The following EGFLAM variants were observed in gnomAD, a reference collection of about 807,000 sequenced individuals.
EGFLAM encodes the protein EGF like, fibronectin type III and laminin G domains, also known as pikachurin.
A neutral mutation model predicts 113.1 loss-of-function variants in EGFLAM; 79 were observed. The ratio of observed to expected loss-of-function variants is 0.70; its 90% CI spans 0.58 to 0.84. The LOEUF is 0.84. EGFLAM is among the 40% of genes least tolerant of loss of function. The probability of loss-of-function intolerance (pLI) is 0.00; values close to 1 mark genes in which losing one functional copy is unlikely to be tolerated. For synonymous variants in EGFLAM, 504 were observed against 487.6 expected (o/e 1.03, Z -0.44); for missense variants, 1,265 against 1,291.6 (o/e 0.98, Z 0.32).
At chr5:38,426,934 A>G in intron 13 of EGFLAM, 75 bp from the exon 14 acceptor site, 1 of 1,569,316 alleles carries the variant, frequency 6.4e-7, no homozygotes, top group Non-Finnish European at 8.6e-7. Context: ...CAGGAGGGAA[A>G]GAACACAGCT....
intron 6 of EGFLAM, among the ~76,000 whole-genome samples, chr5:38,392,902 C>A (rs1398448170): frequency 6.6e-6 from 1 of 152,068 alleles, no homozygotes; most frequent in African/African-American, 2.4e-5. Context: ...TCTCATTATT[C>A]AATTCCTGGC....
chr5:38,268,304 G>A (rs1757682328), intron 1 of EGFLAM, among the ~76,000 whole-genome samples: 1 of 152,126 alleles, frequency 6.6e-6, no homozygotes, highest in Admixed American at 6.5e-5. Flanking sequence ...TCCAAAGGGT[G>A]ACTTGAAGAC....
chr5:38,465,236 C>G lies in EGFLAM; in HGVS notation c.*1250C>G, dbSNP rs2112308668. Among the ~76,000 whole-genome samples, 1 of 152,240 alleles carries G rather than the reference C, an allele frequency of 6.6e-6. No individual in the cohort carries two copies. Among genetic ancestry groups the G allele is most frequent in the South Asian group, 2.1e-4 (1 of 4,810 alleles). On this transcript the variant is annotated 3_prime_UTR_variant, in exon 22 of 22. Transcript: ENST00000322350. ...CCTTTACTATGCAAGCACATGACCC[C>G]AGAGACAGCTGGTTCACTGGCAGAT...
At chr5:38,419,480 T>G (rs1741759668) in intron 12 of EGFLAM, among the ~76,000 whole-genome samples, 2 of 152,198 alleles carry the variant, frequency 1.3e-5, no homozygotes, top group South Asian at 2.1e-4. Flanking sequence ...CAGCATAGTC[T>G]CACTGCCTAG....
rs1172920385 is a variant in EGFLAM at position 38,258,620 on chromosome 5, C to A, written c.-135C>A. On this transcript the variant is annotated 5_prime_UTR_variant, in exon 1 of 22. Coordinates refer to ENST00000322350, the MANE Select transcript of EGFLAM (RefSeq NM_152403.4). The stretch of plus-strand genomic sequence containing the variant: ...TCTTGGAACTACCCGTGTTTCCGGG[C>A]CCAGCCCTCGCAGCCCCCCACCTCC... 1 of 1,002,458 alleles carries A rather than the reference C, an allele frequency of 1.0e-6. No individual in the cohort carries two copies. Among genetic ancestry groups the A allele is most frequent in the Non-Finnish European group, 1.5e-6 (1 of 657,180 alleles). The allele number at this position is 1,002,458 out of a possible 1,614,324, so 62.1% of individuals were successfully genotyped here. A position where few individuals can be genotyped will look rare whatever the true frequency, so the allele number is the denominator to read the frequency against.
At chr5:38,278,779 G>A (rs1433276231) in intron 1 of EGFLAM, among the ~76,000 whole-genome samples, 2 of 148,740 alleles carry the variant, frequency 1.3e-5, no homozygotes, top group Non-Finnish European at 3.0e-5. Flanking sequence ...ATGAGCCACC[G>A]TGCCTGGCCT....
rs1579963486 is a variant in EGFLAM at position 38,460,082 on chromosome 5, T to C, written c.2771+1688T>C. Among the ~76,000 whole-genome samples, 3 of 152,208 alleles carry C rather than the reference T, an allele frequency of 2.0e-5. No individual in the cohort carries two copies. The East Asian group carries it at 5.8e-4, about 29-fold the overall frequency. ...CTTCTTCATTTCTGCCTCTTACCCATCTTTAAAGGGGCTTGGCCAGAGACA... is the reference window on the plus strand; with the variant it reads ...CTTCTTCATTTCTGCCTCTTACCCACCTTTAAAGGGGCTTGGCCAGAGACA... On this transcript the variant is annotated intron_variant, in intron 20 of 21. Coordinates refer to ENST00000322350, the MANE Select transcript of EGFLAM (RefSeq NM_152403.4).
At chr5:38,344,185 A>G (rs1024591797) in intron 3 of EGFLAM, among the ~76,000 whole-genome samples, 1 of 152,268 alleles carries the variant, frequency 6.6e-6, no homozygotes, top group Non-Finnish European at 1.5e-5. Context: ...AGTGAAAAGT[A>G]TGCAGTAAAG....
At chr5:38,349,773 G>GTGCACA (rs1554049181) in intron 3 of EGFLAM, among the ~76,000 whole-genome samples, 1 of 130,946 alleles carries the variant, frequency 7.6e-6, no homozygotes, top group Non-Finnish European at 1.7e-5. Context: ...AAGTACACAC[G>GTGCACA]CACACACACA....
chr5:38,284,007 C>T (rs1758089196), intron 1 of EGFLAM: 1 of 152,372 alleles, frequency 6.6e-6, no homozygotes, highest in African/African-American at 2.4e-5. Flanking sequence ...GGTAGAAAGG[C>T]AGGGGTGTCA....
At chr5:38,281,613 T>A (rs1758023146) in intron 1 of EGFLAM, among the ~76,000 whole-genome samples, 2 of 152,210 alleles carry the variant, frequency 1.3e-5, no homozygotes, top group Non-Finnish European at 2.9e-5. Flanking sequence ...GCCATATGTC[T>A]TTTGTGGAAG....
chr5:38,401,456 C>G (rs150079562), intron 6 of EGFLAM, among the ~76,000 whole-genome samples: 2 of 152,136 alleles, frequency 1.3e-5, no homozygotes, highest in African/African-American at 4.8e-5. Flanking sequence ...TCTGTGGCCT[C>G]GGTTTCCATG....
At chr5:38,338,446 A>G (rs1190088848) in intron 2 of EGFLAM, among the ~76,000 whole-genome samples, 40 of 152,214 alleles carry the variant, frequency 2.6e-4, no homozygotes, top group Admixed American at 2.6e-3. Context: ...TGGGAAAAAT[A>G]ACACGAGCCA....
intron 17 of EGFLAM, 52 bp from the exon 18 acceptor site, chr5:38,448,249 G>A (rs1742786435): frequency 6.3e-7 from 1 of 1,590,874 alleles, no homozygotes; most frequent in Non-Finnish European, 8.6e-7. Flanking sequence ...TGTGAGTGCA[G>A]GGGTCAAGAG....
intron 5 of EGFLAM, among the ~76,000 whole-genome samples, chr5:38,364,771 A>G (rs1026150112): frequency 6.6e-6 from 1 of 152,220 alleles, no homozygotes; most frequent in African/African-American, 2.4e-5. Context: ...TCAGTGTGAT[A>G]GTAGAATCAG....
At chr5:38,313,170 A>G (rs1738501397) in intron 1 of EGFLAM, among the ~76,000 whole-genome samples, 2 of 152,190 alleles carry the variant, frequency 1.3e-5, no homozygotes, top group East Asian at 1.9e-4. Flanking sequence ...GCCAAACACA[A>G]TTAATCTTTT....
At position 38,464,123 on chromosome 5, in the gene EGFLAM, TGAG is replaced by T; in HGVS notation, c.*138_*140del. The T allele has an allele frequency of 8.7e-7, 1 of 1,153,310 alleles. No individual in the cohort carries two copies. The highest frequency in any genetic ancestry group is 2.8e-5 in the Admixed American group (1 of 36,124). The allele number at this position is 1,153,310 out of a possible 1,614,324, so 71.4% of individuals were successfully genotyped here. A position where few individuals can be genotyped will look rare whatever the true frequency, so the allele number is the denominator to read the frequency against. On this transcript the variant is annotated 3_prime_UTR_variant, in exon 22 of 22. Coordinates refer to ENST00000322350, the MANE Select transcript of EGFLAM (RefSeq NM_152403.4). ...TCACCAAGAAGAAAGTACACACTGA[TGAG>T]AAACTGAGAACCAAGACAGGCATCC...
intron 1 of EGFLAM, among the ~76,000 whole-genome samples, chr5:38,259,873 C>A (rs2111671225): frequency 6.6e-6 from 1 of 152,302 alleles, no homozygotes; most frequent in Non-Finnish European, 1.5e-5. Context: ...TATCAGAGGG[C>A]AGAGAAAATC....
intron 1 of EGFLAM, among the ~76,000 whole-genome samples, chr5:38,316,736 G>C (rs1430463321): frequency 6.6e-6 from 1 of 152,048 alleles, no homozygotes; most frequent in East Asian, 1.9e-4. Flanking sequence ...AACACCCCTG[G>C]GACACGAGTT....
Sources: allele counts gnomAD v4.1 joint callset (sites outside exome capture counted in the v4.1 genomes callset), GRCh38; gene constraint gnomAD v4.1.1; transcripts MANE v1.5; gene names NCBI Gene and HGNC (gene_info 2026-07-23, HGNC 2026-07-21).